The following ACTB variants were observed in gnomAD, a reference collection of about 807,000 sequenced individuals.
ACTB encodes the protein actin, cytoplasmic 1.
Under a neutral mutation model 30.5 loss-of-function variants are expected in ACTB, and 2 were observed. The observed-to-expected ratio is 0.07, with a 90% CI of 0.03 to 0.21. The LOEUF (loss-of-function observed/expected upper bound fraction) is 0.21. ACTB is among the 10% of genes least tolerant of loss of function. ACTB has a pLI of 1.00. For synonymous variants in ACTB, 335 were observed against 217.6 expected (o/e 1.54, Z -4.75); for missense variants, 56 against 530.0 (o/e 0.11, Z 8.78).
rs547137158 is a variant in ACTB at position 5,530,245 on chromosome 7, G to A, written c.-7+279C>T. On this transcript the variant is annotated intron_variant, in intron 1 of 5. Transcript: ENST00000646664. ...CCCACCCTGCGATCCCCATTGGCAA[G>A]AGCCCGGCTCAGACAAAGACCCCGC... Among the ~76,000 whole-genome samples, 10 of 152,058 alleles carry A rather than the reference G, an allele frequency of 6.6e-5. No individual in the cohort carries two copies. The East Asian group carries it at 1.4e-3, about 21-fold the overall frequency.
rs757964810 is a variant in ACTB, at chr7:5,527,912, G to A, written c.985-21C>T. ...ATGATCTGAGGAGGGAAGGGGACAG[G>A]CAGTGAGGACCCTGGATGTGACAGC... On this transcript the variant is annotated intron_variant, in intron 5 of 5. Transcript: ENST00000646664. The A allele has an allele frequency of 8.1e-6, 13 of 1,613,140 alleles. No individual in the cohort carries two copies. In the East Asian group the frequency reaches 1.8e-4, roughly 22 times the overall value.
intron 1 of ACTB, 80 bp from the exon 2 acceptor site, chr7:5,529,743 C>T: frequency 2.5e-6 from 4 of 1,597,518 alleles, no homozygotes; most frequent in Non-Finnish European, 3.4e-6. Context: ...CCTTAGGCCG[C>T]CAGGGGGCGC....
chr7:5,528,262 G>C lies in ACTB; in HGVS notation c.802+19C>G. The C allele has an allele frequency of 6.2e-7, 1 of 1,613,458 alleles. No homozygotes were observed. Among genetic ancestry groups the C allele is most frequent in the South Asian group, 1.1e-5 (1 of 91,082 alleles). On this transcript the variant is annotated intron_variant, in intron 4 of 5. Transcript: ENST00000646664. The stretch of plus-strand genomic sequence containing the variant: ...GTAACCCTCATGTCAGGCAGAGCCG[G>C]GAGACAGTCTCCACTCACCCAGGAA...
At chr7:5,528,228 C>T in intron 4 of ACTB, 43 bp from the exon 5 acceptor site, 20 of 1,613,868 alleles carry the variant, frequency 1.2e-5, no homozygotes, top group Non-Finnish European at 1.7e-5. Flanking sequence ...CACAGCACAG[C>T]CCCGAGGGGT....
intron 1 of ACTB, chr7:5,529,955 G>A (rs868420189): frequency 3.8e-6 from 1 of 262,538 alleles, no homozygotes; most frequent in African/African-American, 2.3e-5. Flanking sequence ...CACACCCTCG[G>A]GCGGCCAGCG....
intron 5 of ACTB, 41 bp from the exon 6 acceptor site, chr7:5,527,932 G>T (rs755943139): frequency 2.5e-6 from 4 of 1,613,046 alleles, no homozygotes; most frequent in African/African-American, 1.3e-5. Flanking sequence ...CCCTGGATGT[G>T]ACAGCTCCCC....
At position 5,529,087 on chromosome 7, in the gene ACTB, A is replaced by G. The variant is rs1784826705; in HGVS notation, c.363+74T>C. 4.3e-6 allele frequency: 7 copies of G among 1,613,440 alleles called. No homozygotes were observed. The East Asian group carries it at 1.1e-4, about 26-fold the overall frequency. On this transcript the variant is annotated intron_variant, in intron 3 of 5. Transcript: ENST00000646664. Reference sequence around the variant, plus strand: ...ACGGAAAACGGCAGAAGAGAGAACCAGTGAGAAAGGGCGCAGCTCCGGGAG... The same window carrying G: ...ACGGAAAACGGCAGAAGAGAGAACCGGTGAGAAAGGGCGCAGCTCCGGGAG...
intron 1 of ACTB, 23 bp from the exon 2 acceptor site, chr7:5,529,686 T>C: frequency 1.2e-6 from 2 of 1,610,970 alleles, no homozygotes; most frequent in Non-Finnish European, 1.7e-6. Context: ...CCGGGCGCGC[T>C]GTGAGCCGAG....
intron 2 of ACTB, 25 bp downstream of exon 2, chr7:5,529,510 T>C: frequency 6.2e-7 from 1 of 1,611,860 alleles, no homozygotes; most frequent in Non-Finnish European, 8.5e-7. Context: ...CTCCCGGGGC[T>C]GCCCCACCCA....
At chr7:5,529,487 T>G in intron 2 of ACTB, 48 bp downstream of exon 2, 1 of 1,612,520 alleles carries the variant, frequency 6.2e-7, no homozygotes, top group Non-Finnish European at 8.5e-7. Context: ...AAAGCGCCCT[T>G]GCCTCCCGCC....
rs1472062607 is a variant in ACTB, at chr7:5,528,558, G to A, written c.525C>T (p.Ile175=). 3.7e-6 allele frequency: 6 copies of A among 1,614,044 alleles called. No individual in the cohort carries two copies. The highest frequency in any genetic ancestry group is 2.2e-5 in the East Asian group (1 of 44,890). The change falls in exon 4 of 6, where the codon ATC becomes ATT. Residue 175 remains isoleucine (I), a synonymous_variant. Transcript: ENST00000646664. ...IYEGYALPHA[I]LRLDLAGRDL... Reference sequence around the variant, plus strand: ...CCCGGCCAGCCAGGTCCAGACGCAGGATGGCATGGGGGAGGGCATACCCCT... The same window carrying A: ...CCCGGCCAGCCAGGTCCAGACGCAGAATGGCATGGGGGAGGGCATACCCCT...
intron 2 of ACTB, 53 bp downstream of exon 2, chr7:5,529,482 G>T (rs761817843): frequency 1.1e-5 from 18 of 1,612,616 alleles, no homozygotes; most frequent in Non-Finnish European, 1.5e-5. Context: ...CAGAGAAAGC[G>T]CCCTTGCCTC....
chr7:5,528,995 C>A (rs1784823985), intron 3 of ACTB, 166 bp downstream of exon 3: 1 of 1,597,016 alleles, frequency 6.3e-7, no homozygotes, highest in Non-Finnish European at 8.5e-7. Context: ...AAAAAGAGCT[C>A]ATCTGGGAAA....
At chr7:5,528,255 A>G in intron 4 of ACTB, 26 bp downstream of exon 4, 2 of 1,613,742 alleles carry the variant, frequency 1.2e-6, no homozygotes, top group Non-Finnish European at 8.5e-7. Flanking sequence ...CATGTCAGGC[A>G]GAGCCGGGAG....
Position 5,529,404 on chromosome 7 carries a change from G to C in ACTB, c.124-4C>G. 1 of 1,613,960 alleles carries C rather than the reference G, an allele frequency of 6.2e-7. No homozygotes were observed. Among genetic ancestry groups the C allele is most frequent in the Non-Finnish European group, 8.5e-7 (1 of 1,179,998 alleles). ...GACCCATGCCCACCATCACGCCCTG[G>C]GAAGGAAAGGACAAGAAGCCCTGAG... On this transcript the variant is annotated splice_region_variant and splice_polypyrimidine_tract_variant and intron_variant, in intron 2 of 5. Coordinates refer to ENST00000646664, the MANE Select transcript of ACTB (RefSeq NM_001101.5).
In ACTB at chr7:5,527,661, A is replaced by G; in HGVS notation, c.*87T>C. On this transcript the variant is annotated 3_prime_UTR_variant, in exon 6 of 6. Coordinates refer to ENST00000646664, the MANE Select transcript of ACTB (RefSeq NM_001101.5). ...AAAACCAAAACAAAACAAAAAAAAC[A>G]AATAAAGCCATGCCAATCTCATCTT... The G allele has an allele frequency of 6.3e-7, 1 of 1,587,712 alleles. No individual in the cohort carries two copies. The highest frequency in any genetic ancestry group is 1.4e-5 in the African/African-American group (1 of 73,334).
At chr7:5,529,710 T>A (rs576263706) in intron 1 of ACTB, 47 bp from the exon 2 acceptor site, 3 of 1,609,440 alleles carry the variant, frequency 1.9e-6, no homozygotes, top group African/African-American at 2.7e-5. Flanking sequence ...GCCCCCGCCC[T>A]GGCCACTTCC....
chr7:5,529,781 G>A (rs1270936960), intron 1 of ACTB, 118 bp from the exon 2 acceptor site: 10 of 1,515,682 alleles, frequency 6.6e-6, no homozygotes, highest in South Asian at 4.6e-5. Context: ...GGGGACAAAG[G>A]AAGCCGGGCC....
intron 3 of ACTB, 92 bp from the exon 4 acceptor site, chr7:5,528,811 G>A: frequency 2.7e-6 from 4 of 1,505,386 alleles, no homozygotes; most frequent in Non-Finnish European, 3.7e-6. Context: ...AAAGAACACG[G>A]CTAAGTGTGC....
Sources: gnomAD v4.1 joint callset for allele counts (sites outside exome capture counted in the v4.1 genomes callset) on GRCh38, gnomAD v4.1.1 for gene constraint, MANE v1.5 for transcripts, NCBI Gene and HGNC (gene_info 2026-07-23, HGNC 2026-07-21) for gene names.